NFIB: variants seen among roughly 807,000 people sequenced by gnomAD.
NFIB encodes nuclear factor I B.
In NFIB, 11 loss-of-function variants were observed where a neutral mutation model predicts 61.5. The ratio of observed to expected loss-of-function variants is 0.18; its 90% CI spans 0.11 to 0.30. The LOEUF is 0.30. Among genes scored for constraint, NFIB ranks in the 10% least tolerant of loss-of-function variants. The pLI is 1.00. For synonymous variants in NFIB, 260 were observed against 216.5 expected (o/e 1.20, Z -1.76); for missense variants, 471 against 608.9 (o/e 0.77, Z 2.38).
intron 2 of NFIB, among the ~76,000 whole-genome samples, chr9:14,187,156 C>T (rs1029074883): frequency 7.3e-5 from 11 of 150,164 alleles, no homozygotes; most frequent in African/African-American, 2.8e-4. Flanking sequence ...ATTTGGAGTC[C>T]ACTTCACTGC....
Position 14,161,005 on chromosome 9 carries a change from A to T in NFIB, c.617-5112T>A, listed in dbSNP as rs542904109. On this transcript the variant is annotated intron_variant, in intron 3 of 10. Coordinates refer to ENST00000380953, the MANE Select transcript of NFIB (RefSeq NM_001190737.2). Reference sequence around the variant, plus strand: ...TCTATAGGCATTTTCCAGCCCTATGATTGCAATTGTTCACTTTCTTCAACA... The same window carrying T: ...TCTATAGGCATTTTCCAGCCCTATGTTTGCAATTGTTCACTTTCTTCAACA... 2.6e-5 allele frequency among the ~76,000 whole-genome samples: 4 copies of T among 152,206 alleles called. 1 individual carries two copies. In the South Asian group the frequency reaches 6.2e-4, roughly 24 times the overall value.
chr9:14,310,730 T>C (rs1038840502), intron 1 of NFIB, among the ~76,000 whole-genome samples: 2 of 152,186 alleles, frequency 1.3e-5, no homozygotes, highest in Admixed American at 6.5e-5. Flanking sequence ...GTAAAATGCA[T>C]TGATGTTCAG....
chr9:14,483,477 G>A, the NFIB span, among the ~76,000 whole-genome samples: 1 of 152,160 alleles, frequency 6.6e-6, no homozygotes, highest in African/African-American at 2.4e-5. Context: ...AATTTTCACG[G>A]AGGCATCAAT....
rs141783998 is a variant in NFIB, at chr9:14,252,408, A to G, written c.562+54581T>C. Among the ~76,000 whole-genome samples the G allele has an allele frequency of 7.3e-3, 1,119 of 152,318 alleles. 14 individuals carry two copies. Among genetic ancestry groups the G allele is most frequent in the African/African-American group, 0.025 (1,035 of 41,572 alleles). ...CATTTAAAAATACTGTAGATTTTCT[A>G]TATCATTATATTTATAGTTTTTCAT... On this transcript the variant is annotated intron_variant, in intron 2 of 10. Transcript: ENST00000380953.
At chr9:14,228,921 T>G (rs1361982398) in intron 2 of NFIB, among the ~76,000 whole-genome samples, 1 of 152,126 alleles carries the variant, frequency 6.6e-6, no homozygotes, top group Admixed American at 6.5e-5. Context: ...TCTTAGAAAT[T>G]CCTTTATCTC....
chr9:14,477,081 G>C, the NFIB span, among the ~76,000 whole-genome samples: 1 of 152,212 alleles, frequency 6.6e-6, no homozygotes, highest in African/African-American at 2.4e-5. Flanking sequence ...TCAATGAAAA[G>C]GCAGAGGATG....
At chr9:14,439,002 C>T in the NFIB span, among the ~76,000 whole-genome samples, 2 of 152,038 alleles carry the variant, frequency 1.3e-5, no homozygotes, top group African/African-American at 2.4e-5. Flanking sequence ...AAGTGTCGGC[C>T]GGAAGGAGCC....
At chr9:14,159,461 T>C (rs2382443) in intron 3 of NFIB, among the ~76,000 whole-genome samples, 97,700 of 151,938 alleles carry the variant, frequency 0.64, 31,697 homozygotes, top group East Asian at 0.79. Context: ...TTCCTGAGGA[T>C]GAGTGATGAT....
At chr9:14,119,652 G>C (rs1270361395) in intron 8 of NFIB, among the ~76,000 whole-genome samples, 4 of 152,164 alleles carry the variant, frequency 2.6e-5, no homozygotes, top group African/African-American at 9.7e-5. Flanking sequence ...TAGAGGTAAA[G>C]CAGCAAAGCT....
intron 2 of NFIB, among the ~76,000 whole-genome samples, chr9:14,287,569 C>T (rs1237171824): frequency 1.3e-5 from 2 of 151,778 alleles, no homozygotes; most frequent in African/African-American, 2.4e-5. Flanking sequence ...ATTACAGGTG[C>T]GCACCACCAG....
intron 2 of NFIB, among the ~76,000 whole-genome samples, chr9:14,256,824 C>G (rs1300899805): frequency 6.6e-6 from 1 of 152,190 alleles, no homozygotes; most frequent in African/African-American, 2.4e-5. Flanking sequence ...AGAGACAGCA[C>G]AGCATCCTGA....
chr9:14,230,889 C>G (rs1347162292), intron 2 of NFIB, among the ~76,000 whole-genome samples: 2 of 151,568 alleles, frequency 1.3e-5, no homozygotes, highest in African/African-American at 2.4e-5. Flanking sequence ...CCTGGAAAGC[C>G]CAGCTTGGAT....
intron 1 of NFIB, among the ~76,000 whole-genome samples, chr9:14,319,490 ACT>A (rs1207924806): frequency 6.6e-6 from 1 of 152,070 alleles, no homozygotes; most frequent in Non-Finnish European, 1.5e-5. Context: ...GGTTCCATAT[ACT>A]CTCTCACACA....
Position 14,398,269 on chromosome 9 carries a change from G to A in NFIB, c.108+255C>T, listed in dbSNP as rs1161634631. ...GGATTAACTTCATAATACCTATGCT[G>A]TTTCTTTTCCCCGAAACATCTACAA... On this transcript the variant is annotated intron_variant, in intron 1 of 8. Transcript: ENST00000380934. Among the ~76,000 whole-genome samples the A allele has an allele frequency of 2.0e-5, 3 of 152,086 alleles. No homozygotes were observed. The East Asian group carries it at 5.8e-4, about 29-fold the overall frequency.
At chr9:14,318,201 G>GA (rs373611444), upstream of NFIB, among the ~76,000 whole-genome samples, 26 of 148,186 alleles carry the variant, frequency 1.8e-4, no homozygotes, top group South Asian at 6.4e-4. Context: ...CCTTATAAGG[G>GA]AAAAAAAAAA....
upstream of NFIB, among the ~76,000 whole-genome samples, chr9:14,317,767 G>T (rs775140917): frequency 1.2e-4 from 19 of 152,120 alleles, no homozygotes; most frequent in Admixed American, 1.2e-3. Context: ...AGGGACTGGT[G>T]GATTTCGGTG....
intron 6 of NFIB, among the ~76,000 whole-genome samples, chr9:14,142,485 A>C (rs2041848422): frequency 6.6e-6 from 1 of 152,186 alleles, no homozygotes; most frequent in Non-Finnish European, 1.5e-5. Flanking sequence ...TGAGCAACGG[A>C]ATACAACTGG....
At chr9:14,334,046 T>G (rs1286884571) in intron 1 of NFIB, among the ~76,000 whole-genome samples, 1 of 152,254 alleles carries the variant, frequency 6.6e-6, no homozygotes, top group Admixed American at 6.5e-5. Context: ...TAACCGTGTT[T>G]TGTTTTGTTG....
At chr9:14,280,626 T>C (rs73645040) in intron 2 of NFIB, among the ~76,000 whole-genome samples, 5 of 152,098 alleles carry the variant, frequency 3.3e-5, no homozygotes, top group Non-Finnish European at 5.9e-5. Flanking sequence ...CTGTAACAAG[T>C]AGCTCCCAGG....
Sources: gnomAD v4.1 joint callset for allele counts (sites outside exome capture counted in the v4.1 genomes callset) on GRCh38, gnomAD v4.1.1 for gene constraint, MANE v1.5 for transcripts, NCBI Gene and HGNC (gene_info 2026-07-23, HGNC 2026-07-21) for gene names.